SFSWAP: variants seen among roughly 807,000 people sequenced by gnomAD.
SFSWAP encodes splicing factor, suppressor of white-apricot homolog.
In SFSWAP, 17 loss-of-function variants were observed where a neutral mutation model predicts 100.7. The ratio of observed to expected loss-of-function variants is 0.17; its 90% CI spans 0.12 to 0.25. SFSWAP has a LOEUF of 0.25. Ranked by LOEUF, SFSWAP falls within the 10% of genes least tolerant of loss-of-function variation. The pLI is 1.00. For missense variants in SFSWAP, 1,005 were observed against 1,262.6 expected (o/e 0.80, Z 3.09); for synonymous variants, 504 against 510.1 (o/e 0.99, Z 0.16).
At chr12:131,796,836 C>G in intron 15 of SFSWAP, 1 of 212,170 alleles carries the variant, frequency 4.7e-6, no homozygotes, top group East Asian at 1.1e-4. Context: ...TAATAAATTT[C>G]CTGTATCTTT....
chr12:131,790,611 A>C (rs559838606), intron 15 of SFSWAP, among the ~76,000 whole-genome samples: 4 of 152,306 alleles, frequency 2.6e-5, no homozygotes, highest in Admixed American at 2.6e-4. Context: ...GGCTTTTCAC[A>C]AGAATATTGA....
At chr12:131,789,443 G>C (rs1885102814) in intron 15 of SFSWAP, among the ~76,000 whole-genome samples, 1 of 152,196 alleles carries the variant, frequency 6.6e-6, no homozygotes, top group African/African-American at 2.4e-5. Flanking sequence ...GATCACTTGA[G>C]CTCAGGAGTT....
intron 13 of SFSWAP, among the ~76,000 whole-genome samples, chr12:131,769,249 A>G (rs1260147010): frequency 6.6e-6 from 1 of 152,212 alleles, no homozygotes; most frequent in Non-Finnish European, 1.5e-5. Context: ...GAAGCACAGT[A>G]TAAAATATAT....
At chr12:131,749,145 T>G (rs538536655) in intron 7 of SFSWAP, among the ~76,000 whole-genome samples, 124 of 152,354 alleles carry the variant, frequency 8.1e-4, no homozygotes, top group African/African-American at 2.8e-3. Flanking sequence ...GTAGGTGCCC[T>G]GAGCACATTT....
Position 131,764,660 on chromosome 12 carries a change from C to T in SFSWAP, c.1925C>T (p.Thr642Ile). 4 of 1,613,612 alleles carry T rather than the reference C, an allele frequency of 2.5e-6. No individual in the cohort carries two copies. The highest frequency in any genetic ancestry group is 3.4e-6 in the Non-Finnish European group (4 of 1,179,592). The change falls in exon 12 of 18, where the codon ACC becomes ATC. Residue 642 changes from threonine to isoleucine, a missense_variant. Around this residue, in one of 7 missense-constraint regions of SFSWAP, gnomAD observed 82 missense variants for 131.0 expected, o/e 0.63. Coordinates refer to ENST00000261674, the MANE Select transcript of SFSWAP (RefSeq NM_004592.4). ...VVVEEKKPQL[T>I]QEELEAKQAK... ...GTTGAGGAGAAGAAGCCTCAACTTA[C>T]CCAGGAGGAGCTAGAAGCAAAGCAA...
At chr12:131,750,279 A>T (rs1177792481) in intron 7 of SFSWAP, among the ~76,000 whole-genome samples, 1 of 152,242 alleles carries the variant, frequency 6.6e-6, no homozygotes, top group African/African-American at 2.4e-5. Context: ...GCTGCCTCCG[A>T]GCATGGCAGT....
intron 11 of SFSWAP, 31 bp from the exon 12 acceptor site, chr12:131,764,425 A>G (rs763770705): frequency 2.5e-5 from 39 of 1,571,278 alleles, no homozygotes; most frequent in Non-Finnish European, 3.3e-5. Context: ...ACTCTGTAAC[A>G]TGTATCATAA....
intron 7 of SFSWAP, among the ~76,000 whole-genome samples, chr12:131,731,530 G>A (rs1879510467): frequency 6.6e-6 from 1 of 152,138 alleles, no homozygotes; most frequent in Non-Finnish European, 1.5e-5. Flanking sequence ...ATCTACCCAG[G>A]TTGGTCATGA....
In SFSWAP at chr12:131,799,038, G is replaced by C; in HGVS notation, c.2719G>C (p.Gly907Arg). 6.2e-7 allele frequency: 1 copy of C among 1,611,790 alleles called. No individual in the cohort carries two copies. The highest frequency in any genetic ancestry group is 8.5e-7 in the Non-Finnish European group (1 of 1,177,854). ...SRGSSQERSR[G>R]VSQEKEAQIS... ...CTGCTCTCTCTCTCTCTGCATTAGGGGAGTCTCTCAGGAAAAAGAAGCCCA... is the reference window on the plus strand; with the variant it reads ...CTGCTCTCTCTCTCTCTGCATTAGGCGAGTCTCTCAGGAAAAAGAAGCCCA... The change falls in exon 17 of 18, where the codon GGA becomes CGA. Residue 907 changes from glycine (G) to arginine (R), a missense_variant and splice_region_variant. Physicochemically the swap from Gly to Arg is moderately radical, Grantham distance 125. This residue lies in a region of SFSWAP where 295 missense variants were observed against 347.9 expected (regional missense o/e 0.85). Transcript: ENST00000261674.
intron 17 of SFSWAP, 109 bp downstream of exon 17, chr12:131,799,218 G>C (rs773137327): frequency 4.6e-6 from 5 of 1,082,182 alleles, no homozygotes; most frequent in Non-Finnish European, 7.0e-6. Context: ...CATGGGACAG[G>C]GATCTCGGGC....
chr12:131,713,027 G>GT (rs1331563219), intron 1 of SFSWAP: 1 of 152,182 alleles, frequency 6.6e-6, no homozygotes, highest in Non-Finnish European at 1.5e-5. Flanking sequence ...ATGAAATGCA[G>GT]TAACTTGACT....
chr12:131,731,675 C>T (rs1879521236), intron 7 of SFSWAP, among the ~76,000 whole-genome samples: 2 of 152,100 alleles, frequency 1.3e-5, no homozygotes, highest in Admixed American at 6.5e-5. Flanking sequence ...GGTTGAGTTC[C>T]GTCATGCTAA....
chr12:131,728,915 G>A (rs958223126), intron 7 of SFSWAP, among the ~76,000 whole-genome samples: 2 of 151,984 alleles, frequency 1.3e-5, no homozygotes, highest in Admixed American at 6.5e-5. Context: ...GGCTGGTCTC[G>A]AGCTCCTGGG....
Position 131,799,455 on chromosome 12 carries a change from A to T in SFSWAP, c.2823A>T (p.Ala941=), listed in dbSNP as rs200303646. ...DLMAKVRAML[A]ASKNLQTSAS ...TGGCCAAAGTCAGAGCGATGCTTGC[A>T]GCTTCCAAAAACCTGCAAACCAGCG... Residue 941 remains alanine, a synonymous_variant, in exon 18 of 18, where the codon GCA becomes GCT. Coordinates refer to ENST00000261674, the MANE Select transcript of SFSWAP (RefSeq NM_004592.4). 1.2e-6 allele frequency: 2 copies of T among 1,614,178 alleles called. No homozygotes were observed. Among genetic ancestry groups the T allele is most frequent in the Non-Finnish European group, 1.7e-6 (2 of 1,179,996 alleles).
chr12:131,714,653 A>G lies in SFSWAP; in HGVS notation c.389-169A>G. On this transcript the variant is annotated intron_variant, in intron 2 of 17. Coordinates refer to ENST00000261674, the MANE Select transcript of SFSWAP (RefSeq NM_004592.4). The surrounding 1 kb of genome is among the most constrained non-coding windows in gnomAD (Gnocchi z 6.0). ...CTGTGGGTAAACATGTACTGACAAA[A>G]GTACATAATGATAGATATAAAGTGT... 1 of 631,050 alleles carries G rather than the reference A, an allele frequency of 1.6e-6. No homozygotes were observed. Among genetic ancestry groups the G allele is most frequent in the East Asian group, 2.8e-5 (1 of 35,612 alleles). The allele number at this position is 631,050 out of a possible 1,614,324, so 39.1% of individuals were successfully genotyped here. A position where few individuals can be genotyped will look rare whatever the true frequency, so the allele number is the denominator to read the frequency against.
chr12:131,777,183 G>A (rs1425329507), intron 13 of SFSWAP, among the ~76,000 whole-genome samples: 1 of 152,052 alleles, frequency 6.6e-6, no homozygotes, highest in East Asian at 1.9e-4. Flanking sequence ...GGGTACATGT[G>A]CACAACGTGC....
At chr12:131,726,346 A>T (rs939184029) in intron 5 of SFSWAP, among the ~76,000 whole-genome samples, 4 of 152,128 alleles carry the variant, frequency 2.6e-5, no homozygotes, top group Non-Finnish European at 5.9e-5. Context: ...AGTAGCTGGG[A>T]TCGTGGGCAC....
intron 7 of SFSWAP, among the ~76,000 whole-genome samples, chr12:131,740,097 T>C (rs750525882): frequency 1.2e-4 from 18 of 152,172 alleles, no homozygotes; most frequent in African/African-American, 1.7e-4. Flanking sequence ...CTCTGGGAAC[T>C]AGAATCTGAC....
chr12:131,781,239 T>TA (rs1566053447), intron 14 of SFSWAP, among the ~76,000 whole-genome samples: 1 of 137,780 alleles, frequency 7.3e-6, no homozygotes, highest in Admixed American at 7.3e-5. Context: ...TTATTATTTT[T>TA]TTTTTTTTTT....
Sources: gnomAD v4.1 joint callset for allele counts (sites outside exome capture counted in the v4.1 genomes callset) on GRCh38, gnomAD v4.1.1 for gene constraint, gnomAD v4.1.1 regional missense constraint, Gnocchi (gnomAD v3.1) non-coding constraint, MANE v1.5 for transcripts, NCBI Gene and HGNC (gene_info 2026-07-23, HGNC 2026-07-21) for gene names.